CDH18: variants seen among roughly 807,000 people sequenced by gnomAD.
CDH18 encodes cadherin-18.
CDH18 carries 31 observed loss-of-function variants against 67.9 expected under a neutral mutation model. The ratio of observed to expected loss-of-function variants is 0.46; its 90% confidence interval spans 0.34 to 0.62. The LOEUF (loss-of-function observed/expected upper bound fraction) is 0.62, where lower values mean the gene tolerates loss of function less well. CDH18 is among the 20% of genes least tolerant of loss of function. CDH18 has a pLI of 0.01. For synonymous variants in CDH18, 362 were observed against 347.2 expected, an observed-to-expected ratio of 1.04 and a Z score of -0.48; for missense variants, 890 against 975.5, an observed-to-expected ratio of 0.91 and a Z score of 1.17.
intron 2 of CDH18, among the ~76,000 whole-genome samples, chr5:19,954,544 T>G (rs1796076036): frequency 6.6e-6 from 1 of 152,074 alleles, no homozygotes; most frequent in Admixed American, 6.6e-5. Flanking sequence ...AGATTTATAT[T>G]AAACATGTCT....
chr5:19,816,361 A>G (rs1779285268), intron 3 of CDH18, among the ~76,000 whole-genome samples: 1 of 151,898 alleles, frequency 6.6e-6, no homozygotes, highest in Admixed American at 6.6e-5. Context: ...GGTGTTTTTA[A>G]AATGAAAATA....
chr5:20,305,472 GC>G, intron 1 of CDH18: 1 of 1,323,456 alleles, frequency 7.6e-7, no homozygotes, highest in South Asian at 1.2e-5. Context: ...CTCAGCGGCC[GC>G]CGCTGCACTC....
chr5:20,520,249 G>A lies in CDH18; in HGVS notation c.-580+55213C>T, dbSNP rs533601424. Among the ~76,000 whole-genome samples, 291 of 152,046 alleles carry A rather than the reference G, an allele frequency of 1.9e-3. 3 individuals carry two copies. The highest frequency in any genetic ancestry group is 3.9e-3 in the Admixed American group (59 of 15,254). On this transcript the variant is annotated intron_variant, in intron 1 of 14. Transcript: ENST00000507958. Reference sequence around the variant, plus strand: ...TGCCTGGTACAAGTTTCAGAGAAATGTTTCTATAATTTCTGTTTCAGAGAA... The same window carrying A: ...TGCCTGGTACAAGTTTCAGAGAAATATTTCTATAATTTCTGTTTCAGAGAA...
chr5:19,474,757 A>T (rs1738156046), intron 12 of CDH18, among the ~76,000 whole-genome samples: 1 of 152,242 alleles, frequency 6.6e-6, no homozygotes, highest in African/African-American at 2.4e-5. Flanking sequence ...GTCCAACTGG[A>T]CATGTGCCTT....
At chr5:20,523,259 A>G (rs925946814) in intron 1 of CDH18, among the ~76,000 whole-genome samples, 8 of 152,178 alleles carry the variant, frequency 5.3e-5, no homozygotes, top group African/African-American at 1.7e-4. Flanking sequence ...ATGTCTTTCT[A>G]TTCTTTGCAA....
intron 2 of CDH18, among the ~76,000 whole-genome samples, chr5:20,049,285 A>G (rs1472405642): frequency 6.6e-6 from 1 of 151,624 alleles, no homozygotes; most frequent in Non-Finnish European, 1.5e-5. Context: ...ACAGTAAAAA[A>G]CAAGACAAAA....
At chr5:20,152,518 T>G (rs2126575432) in intron 2 of CDH18, among the ~76,000 whole-genome samples, 1 of 151,990 alleles carries the variant, frequency 6.6e-6, no homozygotes, top group Admixed American at 6.6e-5. Context: ...CATTTTCAGC[T>G]GGTTAATCCT....
chr5:19,687,849 G>T lies in CDH18; in HGVS notation c.643+33498C>A, dbSNP rs150000868. ...ACAGGCTCTATCTGTCCACACCACTGCTGATGGTGGGCCTGGGGTCTACCC... is the reference window on the plus strand; with the variant it reads ...ACAGGCTCTATCTGTCCACACCACTTCTGATGGTGGGCCTGGGGTCTACCC... On this transcript the variant is annotated intron_variant, in intron 5 of 12. Transcript: ENST00000382275. Among the ~76,000 whole-genome samples, 196 of 152,308 alleles carry T rather than the reference G, an allele frequency of 1.3e-3. 1 individual carries two copies. Among genetic ancestry groups the T allele is most frequent in the African/African-American group, 4.6e-3 (190 of 41,572 alleles).
chr5:20,386,230 C>A (rs899357321), intron 1 of CDH18, among the ~76,000 whole-genome samples: 5 of 152,148 alleles, frequency 3.3e-5, no homozygotes, highest in African/African-American at 7.2e-5. Flanking sequence ...TGAGAATATT[C>A]TTTTAATTCT....
intron 1 of CDH18, among the ~76,000 whole-genome samples, chr5:20,356,170 G>A (rs1024581576): frequency 1.3e-5 from 2 of 152,204 alleles, no homozygotes; most frequent in South Asian, 4.1e-4. Flanking sequence ...ATCACCTGAG[G>A]TCAGGCATTT....
intron 5 of CDH18, among the ~76,000 whole-genome samples, chr5:19,720,544 G>C (rs552443664): frequency 9.2e-5 from 14 of 152,188 alleles, no homozygotes; most frequent in African/African-American, 3.4e-4. Flanking sequence ...TTGTCAATGG[G>C]GACATGTGAT....
intron 3 of CDH18, among the ~76,000 whole-genome samples, chr5:19,825,082 A>G (rs2149966358): frequency 6.6e-6 from 1 of 152,012 alleles, no homozygotes; most frequent in South Asian, 2.1e-4. Context: ...AGGGCAAGTG[A>G]CCTCACCCGC....
At chr5:19,896,281 G>A (rs771325105) in intron 2 of CDH18, among the ~76,000 whole-genome samples, 3 of 151,982 alleles carry the variant, frequency 2.0e-5, no homozygotes, top group South Asian at 2.1e-4. Context: ...CCCAAGAAGC[G>A]GAGGTTGCAG....
intron 3 of CDH18, among the ~76,000 whole-genome samples, chr5:19,789,530 T>C (rs1268333753): frequency 6.6e-6 from 1 of 152,108 alleles, no homozygotes; most frequent in Non-Finnish European, 1.5e-5. Context: ...TCAATAGAAC[T>C]TGGCTACATC....
At chr5:20,009,013 C>T (rs569787181) in intron 2 of CDH18, among the ~76,000 whole-genome samples, 3 of 152,154 alleles carry the variant, frequency 2.0e-5, no homozygotes, top group South Asian at 2.1e-4. Context: ...TCAAATAGGA[C>T]GCATAAGATG....
chr5:20,474,418 A>G (rs1421725611), intron 1 of CDH18, among the ~76,000 whole-genome samples: 1 of 152,166 alleles, frequency 6.6e-6, no homozygotes, highest in African/African-American at 2.4e-5. Context: ...AGTTCCCAGA[A>G]GTTTCCTTCT....
chr5:20,014,031 A>G (rs1460069634), intron 2 of CDH18, among the ~76,000 whole-genome samples: 1 of 152,128 alleles, frequency 6.6e-6, no homozygotes, highest in African/African-American at 2.4e-5. Context: ...TTATACAAAA[A>G]TACCAATGAC....
intron 5 of CDH18, among the ~76,000 whole-genome samples, chr5:19,645,283 G>A (rs1211603321): frequency 6.6e-6 from 1 of 152,186 alleles, no homozygotes; most frequent in Non-Finnish European, 1.5e-5. Flanking sequence ...ATCAGAGAAT[G>A]AGGGGAAGGA....
intron 5 of CDH18, among the ~76,000 whole-genome samples, chr5:19,712,035 T>A (rs982458512): frequency 1.3e-5 from 2 of 152,082 alleles, no homozygotes; most frequent in Non-Finnish European, 2.9e-5. Context: ...GAAGCCATTA[T>A]CTTAAGTAAA....
Sources: gnomAD v4.1 joint callset for allele counts (sites outside exome capture counted in the v4.1 genomes callset) on GRCh38, gnomAD v4.1.1 for gene constraint, MANE v1.5 for transcripts, NCBI Gene and HGNC (gene_info 2026-07-23, HGNC 2026-07-21) for gene names.